The following SUPT3H variants were observed in gnomAD, a reference collection of about 807,000 sequenced individuals.
SUPT3H encodes the protein transcription initiation protein SPT3 homolog.
SUPT3H carries 44 observed loss-of-function variants against 44.3 expected under a neutral mutation model. The observed-to-expected ratio is 0.99, with a 90% CI of 0.78 to 1.28. The LOEUF is 1.28. Ranked by LOEUF, SUPT3H falls within the 50% of genes most tolerant of loss-of-function variation. The pLI is 0.00. For synonymous variants in SUPT3H, 124 were observed against 125.6 expected (o/e 0.99, Z 0.09); for missense variants, 380 against 387.1 (o/e 0.98, Z 0.15).
intron 2 of SUPT3H, among the ~76,000 whole-genome samples, chr6:45,187,297 T>C (rs1034700143): frequency 1.3e-4 from 19 of 151,762 alleles, no homozygotes; most frequent in African/African-American, 4.6e-4. Context: ...TGCTTGTAAT[T>C]TCAGCTACTC....
At chr6:45,028,845 A>T (rs551466129) in intron 3 of SUPT3H, among the ~76,000 whole-genome samples, 1 of 150,638 alleles carries the variant, frequency 6.6e-6, no homozygotes, top group Non-Finnish European at 1.5e-5. Context: ...AACCATAAAA[A>T]TGTTTATTTG....
chr6:45,293,757 A>T (rs1345061118), intron 2 of SUPT3H, among the ~76,000 whole-genome samples: 1 of 152,138 alleles, frequency 6.6e-6, no homozygotes, highest in East Asian at 1.9e-4. Context: ...TAAATTCTTG[A>T]AAAGATACAA....
intron 2 of SUPT3H, among the ~76,000 whole-genome samples, chr6:45,199,290 A>T (rs985379662): frequency 2.0e-5 from 3 of 151,208 alleles, no homozygotes; most frequent in East Asian, 3.9e-4. Flanking sequence ...TTAATTTTTA[A>T]CTATTTTATT....
rs1011483264 is a variant in SUPT3H, at chr6:44,958,522, T to C, written c.580+3231A>G. 3.3e-5 allele frequency among the ~76,000 whole-genome samples: 5 copies of C among 152,288 alleles called. No homozygotes were observed. The South Asian group carries it at 8.3e-4, about 25-fold the overall frequency. On this transcript the variant is annotated intron_variant, in intron 7 of 10. Transcript: ENST00000371459. ...TCCCTAGCAGGAGTTCCTTATTCCT[T>C]TCCTTTATACATATTTATGGGCAAC... is the stretch of plus-strand genomic sequence containing the variant.
At chr6:45,030,626 G>C (rs1280851888) in intron 3 of SUPT3H, among the ~76,000 whole-genome samples, 1 of 152,076 alleles carries the variant, frequency 6.6e-6, no homozygotes, top group Non-Finnish European at 1.5e-5. Context: ...TAAAAGCACT[G>C]AATTACACCA....
chr6:45,141,881 T>C (rs565241908), intron 2 of SUPT3H, among the ~76,000 whole-genome samples: 3 of 152,254 alleles, frequency 2.0e-5, no homozygotes, highest in East Asian at 3.9e-4. Context: ...TCAAATACAA[T>C]AAACTCAAAG....
chr6:44,841,567 T>G (rs1770945022), intron 10 of SUPT3H, among the ~76,000 whole-genome samples: 1 of 152,234 alleles, frequency 6.6e-6, no homozygotes, highest in Admixed American at 6.5e-5. Context: ...TAAATTTTAT[T>G]AATCACAATG....
chr6:44,884,449 T>C (rs1453654100), intron 10 of SUPT3H, among the ~76,000 whole-genome samples: 1 of 152,188 alleles, frequency 6.6e-6, no homozygotes, highest in African/African-American at 2.4e-5. Context: ...AGTGTGGCGA[T>C]TCCTCCAGGA....
Position 45,060,976 on chromosome 6 carries a change from G to T in SUPT3H, c.187-40344C>A, listed in dbSNP as rs60975018. Among the ~76,000 whole-genome samples the T allele has an allele frequency of 3.9e-3, 595 of 152,210 alleles. 7 individuals are homozygous for T. The highest frequency in any genetic ancestry group is 0.014 in the African/African-American group (567 of 41,532). ...TGCTGCCAAGGCTATGGAGAAATAGGAACGCTTTAACACTGTTGGTGGGGA... is the reference window on the plus strand; with the variant it reads ...TGCTGCCAAGGCTATGGAGAAATAGTAACGCTTTAACACTGTTGGTGGGGA... On this transcript the variant is annotated intron_variant, in intron 3 of 10. Transcript: ENST00000371459.
intron 10 of SUPT3H, among the ~76,000 whole-genome samples, chr6:44,909,170 T>TG (rs58830295): frequency 6.8e-6 from 1 of 147,562 alleles, no homozygotes; most frequent in Admixed American, 6.8e-5. Context: ...TGTGTGTGTG[T>TG]GGTTACTAAC....
chr6:45,222,815 T>C (rs1390085907), intron 2 of SUPT3H, among the ~76,000 whole-genome samples: 1 of 152,136 alleles, frequency 6.6e-6, no homozygotes, highest in African/African-American at 2.4e-5. Context: ...AATGGGTGAC[T>C]ATTAAAGAAA....
chr6:45,208,557 C>T (rs1391177563), intron 2 of SUPT3H, among the ~76,000 whole-genome samples: 1 of 152,022 alleles, frequency 6.6e-6, no homozygotes, highest in Non-Finnish European at 1.5e-5. Context: ...AACCCTGTCC[C>T]TACTAAAGAT....
intron 10 of SUPT3H, among the ~76,000 whole-genome samples, chr6:44,924,192 TCAAA>T (rs1769170796): frequency 6.6e-6 from 1 of 152,076 alleles, no homozygotes; most frequent in Non-Finnish European, 1.5e-5. Flanking sequence ...GAAACAACTT[TCAAA>T]CAAATAATTT....
At chr6:45,168,773 T>C (rs989272012) in intron 2 of SUPT3H, among the ~76,000 whole-genome samples, 2 of 152,190 alleles carry the variant, frequency 1.3e-5, no homozygotes, top group African/African-American at 4.8e-5. Context: ...TACACGCACC[T>C]GGCATAGTAT....
At chr6:45,074,704 T>C (rs1425753739) in intron 3 of SUPT3H, among the ~76,000 whole-genome samples, 4 of 152,028 alleles carry the variant, frequency 2.6e-5, no homozygotes, top group Non-Finnish European at 5.9e-5. Context: ...CTTTCTAAAG[T>C]ACAGGAAATA....
At position 44,841,451 on chromosome 6, in the gene SUPT3H, G is replaced by A. The variant is rs76308120; in HGVS notation, c.913-11594C>T. 2.6e-3 allele frequency among the ~76,000 whole-genome samples: 389 copies of A among 152,330 alleles called. 2 individuals carry two copies. The highest frequency in any genetic ancestry group is 8.5e-3 in the African/African-American group (355 of 41,578). ...GTAAGGCTTGGTCCTCAATGTGGAA[G>A]TGTTGGGAGGTGTTTAAAGACACCC... On this transcript the variant is annotated intron_variant, in intron 10 of 10. Coordinates refer to ENST00000371459, the MANE Select transcript of SUPT3H (RefSeq NM_003599.4).
intron 2 of SUPT3H, among the ~76,000 whole-genome samples, chr6:45,343,977 A>G (rs1330315371): frequency 6.6e-6 from 1 of 152,194 alleles, no homozygotes; most frequent in Admixed American, 6.5e-5. Context: ...TACTGGTAAA[A>G]TATTTTACAA....
chr6:44,944,421 G>A (rs891541341), intron 9 of SUPT3H, among the ~76,000 whole-genome samples: 2 of 151,918 alleles, frequency 1.3e-5, no homozygotes, highest in African/African-American at 4.8e-5. Context: ...ATCTGACCAC[G>A]TGACTTAATA....
intron 6 of SUPT3H, among the ~76,000 whole-genome samples, chr6:44,968,024 C>A (rs938286548): frequency 1.2e-4 from 18 of 152,136 alleles, no homozygotes; most frequent in African/African-American, 4.3e-4. Flanking sequence ...AATTCCTGGC[C>A]TCAAGTGATC....
Sources: gnomAD v4.1 joint callset for allele counts (sites outside exome capture counted in the v4.1 genomes callset) on GRCh38, gnomAD v4.1.1 for gene constraint, MANE v1.5 for transcripts, NCBI Gene and HGNC (gene_info 2026-07-23, HGNC 2026-07-21) for gene names.